CENPW: variants seen among roughly 807,000 people sequenced by gnomAD.
The protein encoded by CENPW is centromere protein W.
Under a neutral mutation model 11.1 loss-of-function variants are expected in CENPW, and 3 were observed. The ratio of observed to expected loss-of-function variants is 0.27; its 90% CI spans 0.12 to 0.70. The LOEUF is 0.70. Ranked by LOEUF, CENPW falls within the 30% of genes least tolerant of loss-of-function variation. CENPW has a pLI of 0.77. For synonymous variants in CENPW, 38 were observed against 42.0 expected, an observed-to-expected ratio of 0.91 and a Z score of 0.37; for missense variants, 100 against 105.6, an observed-to-expected ratio of 0.95 and a Z score of 0.23.
the CENPW span, among the ~76,000 whole-genome samples, chr6:126,461,042 G>T: frequency 6.6e-6 from 1 of 151,832 alleles, no homozygotes; most frequent in Admixed American, 6.6e-5. Flanking sequence ...TATACATTGG[G>T]GGAGGGTGTC....
At chr6:126,358,570 A>T in the CENPW span, among the ~76,000 whole-genome samples, 1 of 152,034 alleles carries the variant, frequency 6.6e-6, no homozygotes, top group Non-Finnish European at 1.5e-5. Flanking sequence ...CTTGATTGTG[A>T]TGTATTAACT....
At chr6:126,416,507 T>A in the CENPW span, among the ~76,000 whole-genome samples, 1 of 152,160 alleles carries the variant, frequency 6.6e-6, no homozygotes. Context: ...TCAGAGGCCT[T>A]CATGGCAGCC....
chr6:126,461,267 C>A, the CENPW span, among the ~76,000 whole-genome samples: 9 of 151,850 alleles, frequency 5.9e-5, no homozygotes, highest in African/African-American at 2.2e-4. Context: ...TCCCTACACA[C>A]GCTCTCTTCT....
the CENPW span, among the ~76,000 whole-genome samples, chr6:126,418,636 A>T: frequency 1.3e-5 from 2 of 152,094 alleles, no homozygotes; most frequent in African/African-American, 4.8e-5. Context: ...GTAAACTTTT[A>T]AAAAATCCAG....
chr6:126,358,221 G>C, the CENPW span, among the ~76,000 whole-genome samples: 1 of 151,988 alleles, frequency 6.6e-6, no homozygotes, highest in Non-Finnish European at 1.5e-5. Flanking sequence ...AAATTGCTCT[G>C]GTCAGGATTT....
the CENPW span, among the ~76,000 whole-genome samples, chr6:126,417,043 A>T: frequency 6.6e-6 from 1 of 152,190 alleles, no homozygotes; most frequent in Non-Finnish European, 1.5e-5. Flanking sequence ...AGCAGCTGGG[A>T]AGGAGGATGT....
At chr6:126,423,317 T>C in the CENPW span, among the ~76,000 whole-genome samples, 5 of 152,148 alleles carry the variant, frequency 3.3e-5, no homozygotes, top group Admixed American at 3.3e-4. Context: ...TCTACATTTG[T>C]TCTAAACAGA....
chr6:126,472,157 T>C, the CENPW span, among the ~76,000 whole-genome samples: 3 of 152,210 alleles, frequency 2.0e-5, no homozygotes, highest in Admixed American at 1.3e-4. Flanking sequence ...CTCTTTAGTA[T>C]GTTACAATTG....
In CENPW at chr6:126,346,225, G is replaced by A; in HGVS notation, c.147G>A (p.Leu49=). ...TAAAGGTCCATCTGAACTGTTTACT[G>A]TTTGTTCATCGATTAGCAGAAGAGT... ...GDLLVHLNCL[L]FVHRLAEESR... The change falls in exon 2 of 3, where the codon CTG becomes CTA. Residue 49 remains leucine, a synonymous_variant. Transcript: ENST00000368328. 1 of 1,601,940 alleles carries A rather than the reference G, an allele frequency of 6.2e-7. No individual in the cohort carries two copies. The highest frequency in any genetic ancestry group is 1.7e-5 in the Admixed American group (1 of 59,722).
chr6:126,387,811 C>T, the CENPW span, among the ~76,000 whole-genome samples: 1 of 152,040 alleles, frequency 6.6e-6, no homozygotes, highest in East Asian at 1.9e-4. Context: ...TGTATATAGG[C>T]CAGAAAAACT....
chr6:126,364,492 C>A, the CENPW span, among the ~76,000 whole-genome samples: 1 of 152,126 alleles, frequency 6.6e-6, no homozygotes, highest in South Asian at 2.1e-4. Context: ...CCTACTCTCT[C>A]CAGAGAACTA....
At chr6:126,429,213 T>C in the CENPW span, among the ~76,000 whole-genome samples, 2 of 152,250 alleles carry the variant, frequency 1.3e-5, no homozygotes, top group Non-Finnish European at 2.9e-5. Flanking sequence ...CAAAAATGTC[T>C]ATCTTTCCAC....
the CENPW span, among the ~76,000 whole-genome samples, chr6:126,365,421 C>G: frequency 6.6e-6 from 1 of 152,000 alleles, no homozygotes; most frequent in African/African-American, 2.4e-5. Context: ...ATGGCGGAAG[C>G]TGAAGGGAAA....
downstream of CENPW, among the ~76,000 whole-genome samples, chr6:126,350,316 G>T (rs1009011633): frequency 3.3e-5 from 5 of 152,026 alleles, no homozygotes; most frequent in African/African-American, 1.2e-4. Flanking sequence ...AGTTTTGATG[G>T]GCGGAAGGTC....
At chr6:126,348,093 T>C (rs932536594) in intron 2 of CENPW, among the ~76,000 whole-genome samples, 3 of 152,114 alleles carry the variant, frequency 2.0e-5, no homozygotes, top group African/African-American at 7.2e-5. Flanking sequence ...ATTGTTTAAC[T>C]CTTTAATTGG....
chr6:126,387,937 T>G, the CENPW span, among the ~76,000 whole-genome samples: 1,046 of 152,032 alleles, frequency 6.9e-3, 6 homozygotes, highest in Non-Finnish European at 0.011. Context: ...TGACTTCTAG[T>G]AAAAAGAATT....
At chr6:126,411,310 T>C in the CENPW span, among the ~76,000 whole-genome samples, 817 of 152,264 alleles carry the variant, frequency 5.4e-3, 9 homozygotes, top group African/African-American at 0.018. Flanking sequence ...AGCAGTGACA[T>C]AGTTTGTTAA....
chr6:126,462,689 G>A, the CENPW span, among the ~76,000 whole-genome samples: 1 of 151,544 alleles, frequency 6.6e-6, no homozygotes, highest in Non-Finnish European at 1.5e-5. Flanking sequence ...AAAATACTCT[G>A]CTACACTCAA....
chr6:126,403,492 C>T, the CENPW span, among the ~76,000 whole-genome samples: 3 of 152,062 alleles, frequency 2.0e-5, no homozygotes, highest in Non-Finnish European at 4.4e-5. Flanking sequence ...TCAAAGCAGC[C>T]ACAACATTCT....
Sources: gnomAD v4.1 joint callset for allele counts (sites outside exome capture counted in the v4.1 genomes callset) on GRCh38, gnomAD v4.1.1 for gene constraint, MANE v1.5 for transcripts, NCBI Gene and HGNC (gene_info 2026-07-23, HGNC 2026-07-21) for gene names.